Variants in TNKS1BP1 observed in about 807,000 individuals in gnomAD.
TNKS1BP1 encodes 182 kDa tankyrase-1-binding protein.
Under a neutral mutation model 141.1 loss-of-function variants are expected in TNKS1BP1, and 48 were observed. The observed-to-expected ratio is 0.34, with a 90% confidence interval of 0.27 to 0.43. The LOEUF (loss-of-function observed/expected upper bound fraction) is 0.43. Ranked by LOEUF, TNKS1BP1 falls within the 20% of genes least tolerant of loss-of-function variation. TNKS1BP1 has a pLI of 1.00. For synonymous variants in TNKS1BP1, 875 were observed against 898.2 expected, an observed-to-expected ratio of 0.97 and a Z score of 0.46; for missense variants, 2,149 against 2,226.0, an observed-to-expected ratio of 0.97 and a Z score of 0.70.
chr11:57,310,758 G>A (rs890918702), intron 5 of TNKS1BP1, among the ~76,000 whole-genome samples: 3 of 152,110 alleles, frequency 2.0e-5, no homozygotes, highest in Non-Finnish European at 4.4e-5. Flanking sequence ...TATTGCATGG[G>A]GCTGGTGTGA....
At chr11:57,303,904 C>T (rs932153719) in intron 6 of TNKS1BP1, among the ~76,000 whole-genome samples, 2 of 152,100 alleles carry the variant, frequency 1.3e-5, no homozygotes, top group African/African-American at 4.8e-5. Flanking sequence ...ACAAACACGG[C>T]ACAAGCACAC....
chr11:57,300,322 C>G (rs1855506566), intron 11 of TNKS1BP1, among the ~76,000 whole-genome samples: 1 of 152,192 alleles, frequency 6.6e-6, no homozygotes, highest in African/African-American at 2.4e-5. Context: ...TCTTCCACAC[C>G]AGGCCAGACA....
At chr11:57,322,294 G>C in intron 1 of TNKS1BP1, 1 of 1,007,658 alleles carries the variant, frequency 9.9e-7, no homozygotes, top group Non-Finnish European at 1.2e-6. Context: ...ACTCAAAGCA[G>C]AGCTAGAGAG....
In TNKS1BP1 at chr11:57,309,236, C is replaced by T; in HGVS notation, c.3475G>A (p.Val1159Met). 1.9e-6 allele frequency: 3 copies of T among 1,614,206 alleles called. No homozygotes were observed. The highest frequency in any genetic ancestry group is 1.7e-6 in the Non-Finnish European group (2 of 1,180,026). Residue 1159 changes from valine to methionine, a missense_variant, in exon 6 of 12, where the codon GTG becomes ATG. By Grantham distance (21) the Val-to-Met change is conservative. Transcript: ENST00000358252. The surrounding 1 kb of genome is among the most constrained non-coding windows in gnomAD (Gnocchi z 4.3). Reference protein sequence around the residue: ...VPPGKTTAGSVDWTDQLGLRN... With the variant: ...VPPGKTTAGSMDWTDQLGLRN... Reference sequence around the variant, plus strand: ...AGACCCAGCTGGTCAGTCCAGTCCACCGAGCCAGCTGTGGTCTTCCCAGGA... The same window carrying T: ...AGACCCAGCTGGTCAGTCCAGTCCATCGAGCCAGCTGTGGTCTTCCCAGGA...
At chr11:57,312,428 C>G in intron 5 of TNKS1BP1, 106 bp downstream of exon 5, 1 of 1,305,938 alleles carries the variant, frequency 7.7e-7, no homozygotes, top group Non-Finnish European at 1.0e-6. Context: ...TGCTCACTAC[C>G]ACAGCCCAAG....
intron 1 of TNKS1BP1, chr11:57,322,296 G>A: frequency 5.0e-6 from 5 of 1,007,162 alleles, no homozygotes; most frequent in Non-Finnish European, 5.9e-6. Context: ...TCAAAGCAGA[G>A]CTAGAGAGCT....
In TNKS1BP1 at chr11:57,310,061, C is replaced by T; in HGVS notation, c.2650G>A (p.Gly884Arg). 6.2e-7 allele frequency: 1 copy of T among 1,614,206 alleles called. No individual in the cohort carries two copies. The stretch of plus-strand genomic sequence containing the variant: ...TCTCTCTTCCCAAATTCCCAGTCCC[C>T]AAGGCTTACATCTCGACTACTGTAG... The part of the protein sequence containing the change: ...GTYSSRDVSL[G>R]DWEFGKRDSL... Residue 884 changes from glycine to arginine, a missense_variant, in exon 6 of 12, where the codon GGG (glycine) becomes AGG (arginine). By Grantham distance (125) the Gly-to-Arg change is moderately radical. Transcript: ENST00000358252.
intron 4 of TNKS1BP1, 67 bp from the exon 5 acceptor site, chr11:57,313,956 A>C: frequency 1.5e-6 from 2 of 1,377,962 alleles, no homozygotes; most frequent in Non-Finnish European, 1.9e-6. Context: ...GTCCCCTCCG[A>C]CCCCACACAG....
chr11:57,320,481 G>T lies in TNKS1BP1; in HGVS notation c.326C>A (p.Thr109Asn), dbSNP rs145280114. Residue 109 changes from threonine to asparagine, a missense_variant, in exon 3 of 12, where the codon ACT (threonine) becomes AAT (asparagine). Thr to Asn is a moderately conservative substitution (Grantham distance 65). Transcript: ENST00000358252. The stretch of plus-strand genomic sequence containing the variant: ...AGTCTCTTGGGTGGCTTCTCCTCCA[G>T]TGGAGGCCTCAACCGCAGGCCTTGG... ...FAPRPAVEAS[T>N]GGEATQETGK... 6.2e-7 allele frequency: 1 copy of T among 1,608,818 alleles called. No homozygotes were observed. The highest frequency in any genetic ancestry group is 2.2e-5 in the East Asian group (1 of 44,756).
chr11:57,307,184 C>T (rs1438739546), intron 6 of TNKS1BP1, among the ~76,000 whole-genome samples: 1 of 152,114 alleles, frequency 6.6e-6, no homozygotes. Context: ...CCTGGACTCT[C>T]CCCTGCACCA....
chr11:57,310,019 C>T lies in TNKS1BP1; in HGVS notation c.2692G>A (p.Ala898Thr), dbSNP rs772332455. The T allele has an allele frequency of 6.2e-7, 1 of 1,614,182 alleles. No individual in the cohort carries two copies. Among genetic ancestry groups the T allele is most frequent in the Admixed American group, 1.7e-5 (1 of 60,020 alleles). ...FGKRDSLGAY[A>T]SQDANEQGQD... ...CCCTGCTCGTTGGCATCTTGGCTGG[C>T]ATAAGCACCCAGAGAATCTCTCTTC... The change falls in exon 6 of 12, where the codon GCC becomes ACC. Residue 898 changes from alanine to threonine, a missense_variant. Ala to Thr is a moderately conservative substitution (Grantham distance 58, BLOSUM62 0). Transcript: ENST00000358252.
intron 1 of TNKS1BP1, among the ~76,000 whole-genome samples, 177 bp downstream of exon 1, chr11:57,324,663 C>T (rs1412812219): frequency 6.6e-6 from 1 of 151,874 alleles, no homozygotes; most frequent in East Asian, 1.9e-4. Context: ...GCCACCTTCC[C>T]CCGGGCCTCC....
rs370030577 is a variant in TNKS1BP1 at position 57,302,159 on chromosome 11, G to A, written c.4749C>T (p.His1583=). The change falls in exon 8 of 12, where the codon CAC becomes CAT. Residue 1583 remains histidine, a synonymous_variant. Coordinates refer to ENST00000358252, the MANE Select transcript of TNKS1BP1 (RefSeq NM_033396.3). The surrounding 1 kb of genome is among the most constrained non-coding windows in gnomAD (Gnocchi z 5.5). ...CCCCAGGCCGAATGACCGGGGCCCGGTGCCCACGCTTGCGCCCCAAGTTGG... is the reference window on the plus strand; with the variant it reads ...CCCCAGGCCGAATGACCGGGGCCCGATGCCCACGCTTGCGCCCCAAGTTGG... ...SRANLGRKRG[H]RAPVIRPGGT... The A allele has an allele frequency of 3.8e-5, 61 of 1,613,568 alleles. No homozygotes were observed. The South Asian group carries it at 5.2e-4, about 14-fold the overall frequency.
At position 57,300,604 on chromosome 11, in the gene TNKS1BP1, G is replaced by A. The variant is rs1052488356; in HGVS notation, c.5130-4C>T. On this transcript the variant is annotated splice_polypyrimidine_tract_variant and splice_region_variant and intron_variant, in intron 10 of 11. Coordinates refer to ENST00000358252, the MANE Select transcript of TNKS1BP1 (RefSeq NM_033396.3). ...GTTGGGCGACGATCCTTCTGACCTA[G>A]GAGGCAGACGGCAAAGGTCCAGAAT... is the stretch of plus-strand genomic sequence containing the variant. The A allele has an allele frequency of 1.4e-5, 22 of 1,614,106 alleles. No individual in the cohort carries two copies. The highest frequency in any genetic ancestry group is 1.6e-5 in the Non-Finnish European group (19 of 1,180,042).
chr11:57,320,331 G>A lies in TNKS1BP1; in HGVS notation c.476C>T (p.Thr159Ile). The A allele has an allele frequency of 6.2e-7, 1 of 1,614,218 alleles. No individual in the cohort carries two copies. Among genetic ancestry groups the A allele is most frequent in the Non-Finnish European group, 8.5e-7 (1 of 1,180,038 alleles). Reference protein sequence around the residue: ...FRPASERFAATTVEEILAKME... With the variant: ...FRPASERFAAITVEEILAKME... ...CTTGGCCAGGATCTCTTCCACCGTG[G>A]TGGCCGCGAAGCGCTCTGAGGCTGG... Residue 159 changes from threonine to isoleucine, a missense_variant, in exon 3 of 12, where the codon ACC becomes ATC. Coordinates refer to ENST00000358252, the MANE Select transcript of TNKS1BP1 (RefSeq NM_033396.3).
chr11:57,319,315 A>C (rs1455337226), intron 3 of TNKS1BP1, among the ~76,000 whole-genome samples: 1 of 152,134 alleles, frequency 6.6e-6, no homozygotes, highest in Non-Finnish European at 1.5e-5. Flanking sequence ...AGGATTTGGA[A>C]TCAAACAAAC....
Position 57,313,797 on chromosome 11 carries a change from T to C in TNKS1BP1, c.891A>G (p.Ser297=). 1 of 1,585,528 alleles carries C rather than the reference T, an allele frequency of 6.3e-7. No individual in the cohort carries two copies. Among genetic ancestry groups the C allele is most frequent in the South Asian group, 1.2e-5 (1 of 85,492 alleles). Residue 297 remains serine, a synonymous_variant, in exon 5 of 12, where the codon TCA becomes TCG. Coordinates refer to ENST00000358252, the MANE Select transcript of TNKS1BP1 (RefSeq NM_033396.3). ...GGTGAAGATGGGGAGAGCCAGGGCC[T>C]GAGCCTGAGGCTTCTGCGGGGAGGC... is the stretch of plus-strand genomic sequence containing the variant. ...SPGLPAEASG[S]GPGSPHLHPP...
chr11:57,305,376 C>T (rs1023551157), intron 6 of TNKS1BP1, among the ~76,000 whole-genome samples: 1 of 152,196 alleles, frequency 6.6e-6, no homozygotes, highest in African/African-American at 2.4e-5. Context: ...TCATCCTCAA[C>T]ACGGGTCCCT....
At chr11:57,319,422 C>T (rs955684447) in intron 3 of TNKS1BP1, among the ~76,000 whole-genome samples, 1 of 152,152 alleles carries the variant, frequency 6.6e-6, no homozygotes, top group Non-Finnish European at 1.5e-5. Context: ...CTTGAACAAA[C>T]AGGATGCCAA....
Sources: allele counts gnomAD v4.1 joint callset (sites outside exome capture counted in the v4.1 genomes callset), GRCh38; gene constraint gnomAD v4.1.1; non-coding constraint Gnocchi (gnomAD v3.1); transcripts MANE v1.5; gene names NCBI Gene and HGNC (gene_info 2026-07-23, HGNC 2026-07-21).